CSMD3: variants seen among roughly 807,000 people sequenced by gnomAD.
The protein encoded by CSMD3 is CUB and Sushi multiple domains 3, also known as CUB and sushi domain-containing protein 3.
A neutral mutation model predicts 435.2 loss-of-function variants in CSMD3; 177 were observed. That is an observed-to-expected ratio of 0.41 (90% confidence interval 0.36 to 0.46). The LOEUF is 0.46. Among genes scored for constraint, CSMD3 ranks in the 20% least tolerant of loss-of-function variants. The pLI is 0.34. For missense variants in CSMD3, 4,265 were observed against 4,504.6 expected (o/e 0.95, Z 1.52); for synonymous variants, 1,656 against 1,520.5 (o/e 1.09, Z -2.07).
intron 1 of CSMD3, among the ~76,000 whole-genome samples, chr8:113,383,812 C>T (rs2094427792): frequency 6.6e-6 from 1 of 152,074 alleles, no homozygotes; most frequent in South Asian, 2.1e-4. Flanking sequence ...AATTCTGGAT[C>T]TGTATCCTTT....
intron 5 of CSMD3, among the ~76,000 whole-genome samples, chr8:113,093,050 AT>A (rs1286403222): frequency 2.0e-5 from 3 of 152,142 alleles, no homozygotes; most frequent in Admixed American, 1.3e-4. Context: ...TTATTTATAC[AT>A]TTCACAAATG....
chr8:112,783,144 T>C (rs2078436275), intron 13 of CSMD3, among the ~76,000 whole-genome samples: 1 of 151,822 alleles, frequency 6.6e-6, no homozygotes, highest in African/African-American at 2.4e-5. Context: ...TTCCAAGAAG[T>C]AGTATAATGA....
At chr8:113,173,010 A>G (rs939880532) in intron 4 of CSMD3, among the ~76,000 whole-genome samples, 2 of 152,186 alleles carry the variant, frequency 1.3e-5, no homozygotes, top group Non-Finnish European at 2.9e-5. Flanking sequence ...TATTGATAGT[A>G]AACAAATGCA....
intron 44 of CSMD3, 38 bp from the exon 45 acceptor site, chr8:112,335,512 A>G: frequency 1.9e-6 from 3 of 1,595,042 alleles, no homozygotes; most frequent in Non-Finnish European, 2.6e-6. Flanking sequence ...AGAGATCAAG[A>G]TTGATTGTGG....
rs184256773 is a variant in CSMD3 at position 113,110,273 on chromosome 8, T to C, written c.710-11310A>G. 3.9e-4 allele frequency among the ~76,000 whole-genome samples: 59 copies of C among 152,332 alleles called. No individual in the cohort carries two copies. In the East Asian group the frequency reaches 0.011, roughly 28 times the overall value. ...TCTAAATCCTTAAGTTCCACTTCCC[T>C]TTATTAAAAATTCCATCTTTCTATC... On this transcript the variant is annotated intron_variant, in intron 4 of 70. Coordinates refer to ENST00000297405, the MANE Select transcript of CSMD3 (RefSeq NM_198123.2).
intron 36 of CSMD3, among the ~76,000 whole-genome samples, chr8:112,387,465 ATGTGTGTGTGTGTG>A (rs34034900): frequency 2.4e-4 from 34 of 144,210 alleles, no homozygotes; most frequent in African/African-American, 5.4e-4. Context: ...GTCATATATT[ATGTGTGTGTGTGTG>A]TGTGTGTGTG....
At chr8:112,319,805 C>A in intron 46 of CSMD3, 96 bp downstream of exon 46, 1 of 877,818 alleles carries the variant, frequency 1.1e-6, no homozygotes, top group South Asian at 1.3e-5. Flanking sequence ...ATGAGGGTCT[C>A]AAGACAGGCT....
At chr8:112,411,912 G>T (rs1242544675) in intron 32 of CSMD3, among the ~76,000 whole-genome samples, 1 of 152,044 alleles carries the variant, frequency 6.6e-6, no homozygotes, top group Non-Finnish European at 1.5e-5. Context: ...TTTTTTGAAA[G>T]AAAGTTGTCC....
chr8:112,697,696 CGTT>C (rs1231126292), intron 13 of CSMD3, among the ~76,000 whole-genome samples: 1 of 151,682 alleles, frequency 6.6e-6, no homozygotes, highest in Non-Finnish European at 1.5e-5. Context: ...ATGTAACAAA[CGTT>C]GTGCACATGT....
intron 36 of CSMD3, among the ~76,000 whole-genome samples, chr8:112,383,973 G>C (rs1435062165): frequency 6.6e-6 from 1 of 152,114 alleles, no homozygotes; most frequent in Non-Finnish European, 1.5e-5. Flanking sequence ...TCAGTGCCAG[G>C]AATCTCAATG....
rs144888010 is a variant in CSMD3, at chr8:112,503,198, C to G, written c.5083+592G>C. On this transcript the variant is annotated intron_variant, in intron 30 of 70. Coordinates refer to ENST00000297405, the MANE Select transcript of CSMD3 (RefSeq NM_198123.2). ...CTGGGCTCAAGTGATCCTCCTGCCTCAGCTTCTTGAGTAGCTGGGACTACA... is the reference window on the plus strand; with the variant it reads ...CTGGGCTCAAGTGATCCTCCTGCCTGAGCTTCTTGAGTAGCTGGGACTACA... Among the ~76,000 whole-genome samples, 321 of 152,190 alleles carry G rather than the reference C, an allele frequency of 2.1e-3. 1 individual carries two copies. Among genetic ancestry groups the G allele is most frequent in the African/African-American group, 7.0e-3 (289 of 41,504 alleles).
chr8:113,098,786 T>A lies in CSMD3; in HGVS notation c.887A>T (p.Glu296Val), dbSNP rs1439791048. Residue 296 changes from glutamate (E) to valine (V), a missense_variant, in exon 5 of 71, where the codon GAA (glutamate) becomes GTA (valine). Transcript: ENST00000297405. ...GGTAGGTGGCTCAGAACCTTCTATT[T>A]CTAAGTAATCATATTTCTCTTCCAT... ...FQMEEKYDYL[E>V]IEGSEPPTIW... 6.2e-7 allele frequency: 1 copy of A among 1,612,036 alleles called. No individual in the cohort carries two copies. Among genetic ancestry groups the A allele is most frequent in the Non-Finnish European group, 8.5e-7 (1 of 1,178,560 alleles).
intron 4 of CSMD3, among the ~76,000 whole-genome samples, chr8:113,128,842 A>G (rs982935636): frequency 6.6e-6 from 1 of 152,100 alleles, no homozygotes; most frequent in African/African-American, 2.4e-5. Context: ...GTGTGGTGCT[A>G]AGCGAATACA....
At chr8:112,482,080 T>A (rs1819672018) in intron 31 of CSMD3, among the ~76,000 whole-genome samples, 1 of 152,178 alleles carries the variant, frequency 6.6e-6, no homozygotes, top group African/African-American at 2.4e-5. Context: ...ATAAGTCATG[T>A]TAGGATGTAA....
intron 2 of CSMD3, among the ~76,000 whole-genome samples, chr8:113,302,239 A>AATATAATATATATTATGTAAGATATAT (rs1563672248): frequency 1.8e-5 from 2 of 108,836 alleles, no homozygotes; most frequent in African/African-American, 6.5e-5. Context: ...TATAATATAT[A>AATATAATATATATTATGTAAGATATAT]ATATAATATA....
chr8:112,561,195 A>G (rs1828591702), intron 24 of CSMD3, among the ~76,000 whole-genome samples: 1 of 151,688 alleles, frequency 6.6e-6, no homozygotes, highest in South Asian at 2.1e-4. Context: ...TTCAGCTGCT[A>G]GTCTTTTCAT....
At chr8:113,341,326 C>T (rs563973287) in intron 1 of CSMD3, among the ~76,000 whole-genome samples, 80 of 152,210 alleles carry the variant, frequency 5.3e-4, no homozygotes, top group African/African-American at 1.8e-3. Flanking sequence ...ATCTTAATTG[C>T]ACCTGTTGAC....
chr8:112,405,246 T>TATATATATATATACACAC (rs1199452249), intron 35 of CSMD3, among the ~76,000 whole-genome samples: 59 of 81,500 alleles, frequency 7.2e-4, no homozygotes, highest in African/African-American at 3.1e-3. Context: ...TATATATATA[T>TATATATATATATACACAC]ACATATATAT....
intron 3 of CSMD3, among the ~76,000 whole-genome samples, chr8:113,228,554 T>C (rs1237767590): frequency 6.6e-6 from 1 of 151,424 alleles, no homozygotes; most frequent in Non-Finnish European, 1.5e-5. Context: ...ACTTCCCCTT[T>C]TAAATACATT....
Sources: gnomAD v4.1 joint callset for allele counts (sites outside exome capture counted in the v4.1 genomes callset) on GRCh38, gnomAD v4.1.1 for gene constraint, MANE v1.5 for transcripts, NCBI Gene and HGNC (gene_info 2026-07-23, HGNC 2026-07-21) for gene names.